Variants in ZBTB20 observed in about 807,000 individuals in gnomAD.
ZBTB20 encodes the protein zinc finger and BTB domain containing 20.
A neutral mutation model predicts 56.9 loss-of-function variants in ZBTB20; 9 were observed. The observed-to-expected ratio is 0.16, with a 90% CI of 0.10 to 0.28. The LOEUF (loss-of-function observed/expected upper bound fraction) is 0.28. Among genes scored for constraint, ZBTB20 ranks in the 10% least tolerant of loss-of-function variants. ZBTB20 has a pLI of 1.00. For missense variants in ZBTB20, 655 were observed against 1,003.0 expected (o/e 0.65, Z 4.69); for synonymous variants, 417 against 420.7 (o/e 0.99, Z 0.11).
At chr3:114,358,510 A>G (rs763128545) in intron 10 of ZBTB20, among the ~76,000 whole-genome samples, 1 of 152,222 alleles carries the variant, frequency 6.6e-6, no homozygotes, top group Admixed American at 6.5e-5. Context: ...AGGAGAAAGT[A>G]ATTCCAGAAA....
At chr3:114,549,951 T>C (rs1213429587) in intron 6 of ZBTB20, among the ~76,000 whole-genome samples, 4 of 152,144 alleles carry the variant, frequency 2.6e-5, no homozygotes, top group Admixed American at 2.6e-4. Context: ...CTTTTTTATT[T>C]TTTTGAGATG....
Position 114,940,406 on chromosome 3 carries a change from G to A in ZBTB20, c.-456+33960C>T, listed in dbSNP as rs879884466. Among the ~76,000 whole-genome samples the A allele has an allele frequency of 4.0e-4, 52 of 130,200 alleles. 1 individual carries two copies. The highest frequency in any genetic ancestry group is 7.4e-3 in the Middle Eastern group (2 of 270). The allele number at this position is 130,200 out of a possible 152,430, so 85.4% of individuals were successfully genotyped here. On this transcript the variant is annotated intron_variant, in intron 3 of 11. Transcript: ENST00000675478. Reference sequence around the variant, plus strand: ...ATTCATTTCTGATTTTTTTTTTTTTGGAAAGTATCCCATTCCTACTATAGT... The same window carrying A: ...ATTCATTTCTGATTTTTTTTTTTTTAGAAAGTATCCCATTCCTACTATAGT...
At chr3:114,691,790 A>G (rs2062712176) in intron 6 of ZBTB20, among the ~76,000 whole-genome samples, 1 of 152,108 alleles carries the variant, frequency 6.6e-6, no homozygotes, top group Non-Finnish European at 1.5e-5. Context: ...TTGGATTTAA[A>G]TTATAGAAAT....
intron 6 of ZBTB20, among the ~76,000 whole-genome samples, chr3:114,548,463 T>A (rs2050164044): frequency 6.6e-6 from 1 of 152,168 alleles, no homozygotes. Flanking sequence ...GCCAAAAGGA[T>A]ATCAAGTTTT....
chr3:115,131,275 C>T (rs2084497565), intron 1 of ZBTB20, among the ~76,000 whole-genome samples: 1 of 152,074 alleles, frequency 6.6e-6, no homozygotes, highest in Non-Finnish European at 1.5e-5. Context: ...AATAACCCTA[C>T]TATAAGGTAG....
chr3:114,937,832 T>C (rs2076594691), intron 3 of ZBTB20, among the ~76,000 whole-genome samples: 1 of 152,100 alleles, frequency 6.6e-6, no homozygotes, highest in South Asian at 2.1e-4. Context: ...GCACGGTGGC[T>C]CACGCCTGTA....
chr3:114,487,950 A>G (rs2042318439), intron 7 of ZBTB20, among the ~76,000 whole-genome samples: 1 of 152,224 alleles, frequency 6.6e-6, no homozygotes, highest in Admixed American at 6.5e-5. Context: ...CCCTGGAGAC[A>G]TGGATCAGGC....
intron 6 of ZBTB20, among the ~76,000 whole-genome samples, chr3:114,686,247 T>C (rs2062335725): frequency 6.6e-6 from 1 of 152,174 alleles, no homozygotes; most frequent in Non-Finnish European, 1.5e-5. Flanking sequence ...TGAGTATTCA[T>C]CCCTTGTGAT....
intron 2 of ZBTB20, among the ~76,000 whole-genome samples, chr3:115,010,784 C>A: frequency 6.6e-6 from 1 of 151,832 alleles, no homozygotes. Flanking sequence ...ACATGACATC[C>A]CCGTATGAAC....
chr3:114,605,507 A>C (rs1049565843), intron 6 of ZBTB20, among the ~76,000 whole-genome samples: 2 of 152,228 alleles, frequency 1.3e-5, no homozygotes, highest in Non-Finnish European at 2.9e-5. Context: ...GTATTAATTA[A>C]ACACCAAGTA....
chr3:114,753,242 A>C (rs2067702088), intron 5 of ZBTB20, among the ~76,000 whole-genome samples: 1 of 105,014 alleles, frequency 9.5e-6, no homozygotes, highest in South Asian at 3.4e-4. Flanking sequence ...GTATATATGT[A>C]TACCTGTATA....
chr3:114,575,937 A>G (rs2053969315), intron 6 of ZBTB20, among the ~76,000 whole-genome samples: 2 of 152,224 alleles, frequency 1.3e-5, no homozygotes, highest in South Asian at 4.1e-4. Flanking sequence ...CAGAAAAGGT[A>G]TTTATTAAAT....
chr3:114,384,292 G>C (rs1001766755), intron 8 of ZBTB20, among the ~76,000 whole-genome samples: 3 of 151,966 alleles, frequency 2.0e-5, no homozygotes, highest in African/African-American at 7.3e-5. Flanking sequence ...AAAGAAACCA[G>C]GGAAAAAGGA....
At chr3:114,520,403 C>T (rs79016896) in intron 6 of ZBTB20, among the ~76,000 whole-genome samples, 2,360 of 152,164 alleles carry the variant, frequency 0.016, 51 homozygotes, top group African/African-American at 0.051. Flanking sequence ...TAATTTTGTT[C>T]GGCATGAGAT....
intron 2 of ZBTB20, among the ~76,000 whole-genome samples, chr3:115,015,241 A>C (rs2079898786): frequency 6.6e-6 from 1 of 151,910 alleles, no homozygotes. Flanking sequence ...TTTGTGCACA[A>C]ATAAAGAAAC....
intron 7 of ZBTB20, among the ~76,000 whole-genome samples, chr3:114,400,914 T>G (rs1446381704): frequency 6.6e-6 from 1 of 152,098 alleles, no homozygotes; most frequent in Non-Finnish European, 1.5e-5. Context: ...TCTCCAGCCT[T>G]TGTCTGTGTC....
intron 6 of ZBTB20, among the ~76,000 whole-genome samples, chr3:114,542,389 A>AT (rs2049218127): frequency 6.6e-6 from 1 of 152,196 alleles, no homozygotes; most frequent in South Asian, 2.1e-4. Context: ...CATAACTATA[A>AT]TAAAAACTCC....
chr3:114,493,791 G>A (rs2042994682), intron 7 of ZBTB20, among the ~76,000 whole-genome samples: 1 of 152,174 alleles, frequency 6.6e-6, no homozygotes, highest in Admixed American at 6.5e-5. Flanking sequence ...AGCACAATTT[G>A]TAATTACAAG....
chr3:114,990,769 G>T (rs563948352), intron 2 of ZBTB20, among the ~76,000 whole-genome samples: 1 of 152,164 alleles, frequency 6.6e-6, no homozygotes, highest in South Asian at 2.1e-4. Context: ...ATTAATTATT[G>T]CCTCAATTTC....
Sources: allele counts gnomAD v4.1 joint callset (sites outside exome capture counted in the v4.1 genomes callset), GRCh38; gene constraint gnomAD v4.1.1; transcripts MANE v1.5; gene names NCBI Gene and HGNC (gene_info 2026-07-23, HGNC 2026-07-21).